The following RUNDC3B variants were observed in gnomAD, a reference collection of about 807,000 sequenced individuals.
The protein encoded by RUNDC3B is RUN domain-containing protein 3B.
RUNDC3B carries 33 observed loss-of-function variants against 58.4 expected under a neutral mutation model. The observed-to-expected ratio is 0.56, with a 90% CI of 0.43 to 0.75. The LOEUF (loss-of-function observed/expected upper bound fraction) is 0.75, where lower values mean the gene tolerates loss of function less well. Among genes scored for constraint, RUNDC3B ranks in the 30% least tolerant of loss-of-function variants. The probability of loss-of-function intolerance (pLI) is 0.00; values close to 1 mark genes in which losing one functional copy is unlikely to be tolerated. For missense variants in RUNDC3B, 501 were observed against 535.7 expected (o/e 0.94, Z 0.64); for synonymous variants, 193 against 195.2 (o/e 0.99, Z 0.10).
intron 9 of RUNDC3B, among the ~76,000 whole-genome samples, chr7:87,812,003 CCTT>C (rs994905444): frequency 1.3e-5 from 2 of 152,152 alleles, no homozygotes; most frequent in African/African-American, 4.8e-5. Context: ...ATGCTCATCT[CCTT>C]CTATGTATCA....
In RUNDC3B at chr7:87,740,393, A is replaced by G. The variant is rs187315320; in HGVS notation, c.548+513A>G. On this transcript the variant is annotated intron_variant, in intron 5 of 10. Transcript: ENST00000394654. ...TGTCAACAAGATGAACTGGTTCTACACTAAAATAACAAGTGCTAAAAATGG... is the reference window on the plus strand; with the variant it reads ...TGTCAACAAGATGAACTGGTTCTACGCTAAAATAACAAGTGCTAAAAATGG... 5.4e-4 allele frequency among the ~76,000 whole-genome samples: 82 copies of G among 152,268 alleles called. No individual in the cohort carries two copies. In the East Asian group the frequency reaches 0.015, roughly 28 times the overall value.
At chr7:87,634,017 G>A (rs2130221008) in intron 1 of RUNDC3B, among the ~76,000 whole-genome samples, 1 of 152,220 alleles carries the variant, frequency 6.6e-6, no homozygotes, top group South Asian at 2.1e-4. Context: ...GGTGGAGAGA[G>A]TCAAAGGGGA....
chr7:87,631,753 A>T (rs901280566), intron 1 of RUNDC3B, among the ~76,000 whole-genome samples: 7 of 152,112 alleles, frequency 4.6e-5, no homozygotes, highest in African/African-American at 1.4e-4. Flanking sequence ...AAAGAAGTTG[A>T]TCTGGTGGAA....
Position 87,830,227 on chromosome 7 carries a change from T to TA in RUNDC3B, c.*198dup. The TA allele has an allele frequency of 2.7e-6, 1 of 367,644 alleles. No homozygotes were observed. The highest frequency in any genetic ancestry group is 4.0e-5 in the East Asian group (1 of 24,972). The allele number at this position is 367,644 out of a possible 1,614,324, so 22.8% of individuals were successfully genotyped here. A position where few individuals can be genotyped will look rare whatever the true frequency, so the allele number is the denominator to read the frequency against. The stretch of plus-strand genomic sequence containing the variant: ...TGCCATTTTTCATTTTTAAAATTCT[T>TA]ACATTTGTCATTGAGAAAGTTCAAA... On this transcript the variant is annotated 3_prime_UTR_variant, in exon 11 of 11. Coordinates refer to ENST00000394654, the MANE Select transcript of RUNDC3B (RefSeq NM_001134405.2).
chr7:87,673,283 A>G (rs1826011975), intron 2 of RUNDC3B, among the ~76,000 whole-genome samples: 1 of 152,054 alleles, frequency 6.6e-6, no homozygotes, highest in Non-Finnish European at 1.5e-5. Flanking sequence ...GGTTGGGGAC[A>G]TTTTCATGGT....
chr7:87,763,918 A>C (rs1422924489), intron 6 of RUNDC3B, among the ~76,000 whole-genome samples: 1 of 151,814 alleles, frequency 6.6e-6, no homozygotes, highest in Non-Finnish European at 1.5e-5. Flanking sequence ...GGAGCCCAAC[A>C]GATGAAAACA....
Position 87,829,783 on chromosome 7 carries a change from T to C in RUNDC3B, c.1226-102T>C. On this transcript the variant is annotated intron_variant, in intron 10 of 10. Coordinates refer to ENST00000394654, the MANE Select transcript of RUNDC3B (RefSeq NM_001134405.2). The stretch of plus-strand genomic sequence containing the variant: ...TAGGTTTCTTTGGGCAGTATGGTCA[T>C]TTTCACAGTATTGATTCTTCCAATT... 6.1e-6 allele frequency: 5 copies of C among 824,322 alleles called. No individual in the cohort carries two copies. In the South Asian group the frequency reaches 1.1e-4, roughly 17 times the overall value. The allele number at this position is 824,322 out of a possible 1,614,324, so 51.1% of individuals were successfully genotyped here.
At chr7:87,656,788 A>G (rs927629440) in intron 2 of RUNDC3B, among the ~76,000 whole-genome samples, 1 of 152,176 alleles carries the variant, frequency 6.6e-6, no homozygotes, top group Non-Finnish European at 1.5e-5. Context: ...TTCTAAACTT[A>G]TTTATCCATC....
chr7:87,825,633 C>G (rs1292710008), intron 10 of RUNDC3B, among the ~76,000 whole-genome samples: 1 of 152,220 alleles, frequency 6.6e-6, no homozygotes, highest in Non-Finnish European at 1.5e-5. Flanking sequence ...CCACTGACAT[C>G]TTGCATCATC....
chr7:87,751,339 C>A (rs1832970579), intron 6 of RUNDC3B, among the ~76,000 whole-genome samples: 1 of 152,070 alleles, frequency 6.6e-6, no homozygotes, highest in Admixed American at 6.5e-5. Context: ...GTTCTTTTGG[C>A]TTAGGATTGA....
intron 8 of RUNDC3B, among the ~76,000 whole-genome samples, chr7:87,793,520 C>T (rs1158883158): frequency 3.9e-5 from 6 of 152,074 alleles, no homozygotes; most frequent in Non-Finnish European, 8.8e-5. Context: ...GATGGTTCAA[C>T]ATATGCAAAG....
chr7:87,714,193 G>C (rs562448881), intron 4 of RUNDC3B, among the ~76,000 whole-genome samples: 1 of 152,146 alleles, frequency 6.6e-6, no homozygotes, highest in Non-Finnish European at 1.5e-5. Flanking sequence ...GCAATGCAAC[G>C]GGGCTCTCTC....
intron 6 of RUNDC3B, among the ~76,000 whole-genome samples, chr7:87,767,940 C>T (rs1330264657): frequency 2.0e-5 from 3 of 152,180 alleles, no homozygotes; most frequent in Non-Finnish European, 4.4e-5. Flanking sequence ...TGTCTGTCTA[C>T]TACCAACAAA....
chr7:87,828,194 A>G (rs1045766364), intron 10 of RUNDC3B, among the ~76,000 whole-genome samples: 22 of 152,308 alleles, frequency 1.4e-4, no homozygotes, highest in Non-Finnish European at 2.5e-4. Flanking sequence ...TATTATGTTC[A>G]GTAATTATTA....
In RUNDC3B at chr7:87,803,745, G is replaced by A. The variant is rs529284074; in HGVS notation, c.957-3628G>A. The stretch of plus-strand genomic sequence containing the variant: ...TACCTAATACATTTACTTGATATTC[G>A]TTGTGAATATATTTTTTTCGATTGT... On this transcript the variant is annotated intron_variant, in intron 8 of 10. Transcript: ENST00000394654. Among the ~76,000 whole-genome samples, 17 of 152,080 alleles carry A rather than the reference G, an allele frequency of 1.1e-4. No homozygotes were observed. In the South Asian group the frequency reaches 3.3e-3, roughly 30 times the overall value.
At chr7:87,729,252 A>C (rs1429319346) in intron 4 of RUNDC3B, among the ~76,000 whole-genome samples, 1 of 152,152 alleles carries the variant, frequency 6.6e-6, no homozygotes, top group Non-Finnish European at 1.5e-5. Context: ...ACAAAAAAAA[A>C]CACCTCCAGA....
At chr7:87,672,112 A>G (rs971988293) in intron 2 of RUNDC3B, among the ~76,000 whole-genome samples, 1 of 151,792 alleles carries the variant, frequency 6.6e-6, no homozygotes, top group African/African-American at 2.4e-5. Context: ...AGAGATGGCG[A>G]CCTGCCTCTC....
intron 4 of RUNDC3B, among the ~76,000 whole-genome samples, chr7:87,725,459 G>A (rs1165035677): frequency 2.6e-5 from 4 of 152,118 alleles, no homozygotes; most frequent in African/African-American, 7.2e-5. Flanking sequence ...CATGGTGTAT[G>A]TGTGCCACAT....
At chr7:87,767,364 T>G (rs1381083660) in intron 6 of RUNDC3B, among the ~76,000 whole-genome samples, 1 of 152,202 alleles carries the variant, frequency 6.6e-6, no homozygotes, top group Non-Finnish European at 1.5e-5. Context: ...GAAGCTCCCT[T>G]AAGGATGTGA....
Sources: allele counts gnomAD v4.1 joint callset (sites outside exome capture counted in the v4.1 genomes callset), GRCh38; gene constraint gnomAD v4.1.1; transcripts MANE v1.5; gene names NCBI Gene and HGNC (gene_info 2026-07-23, HGNC 2026-07-21).